Variants in PRKG1 observed in about 807,000 individuals in gnomAD.
PRKG1 encodes the protein protein kinase cGMP-dependent 1, also known as cGMP-dependent protein kinase 1.
PRKG1 carries 35 observed loss-of-function variants against 88.1 expected under a neutral mutation model. The ratio of observed to expected loss-of-function variants is 0.40; its 90% CI spans 0.30 to 0.53. PRKG1 has a LOEUF of 0.53. PRKG1 is among the 20% of genes least tolerant of loss of function. The pLI is 0.59. For synonymous variants in PRKG1, 303 were observed against 292.5 expected, an observed-to-expected ratio of 1.04 and a Z score of -0.37; for missense variants, 540 against 839.8, an observed-to-expected ratio of 0.64 and a Z score of 4.41.
At chr10:51,183,338 G>A (rs1417730479) in intron 2 of PRKG1, among the ~76,000 whole-genome samples, 1 of 152,174 alleles carries the variant, frequency 6.6e-6, no homozygotes, top group Non-Finnish European at 1.5e-5. Context: ...GACATAAGCT[G>A]TTCTGTGTTG....
chr10:51,845,759 C>G (rs1048377027), intron 4 of PRKG1, among the ~76,000 whole-genome samples: 1 of 151,908 alleles, frequency 6.6e-6, no homozygotes, highest in African/African-American at 2.4e-5. Flanking sequence ...TGTAAACTAG[C>G]TTTTTTTGGC....
At chr10:52,024,700 G>C (rs1845288400) in intron 5 of PRKG1, among the ~76,000 whole-genome samples, 1 of 152,114 alleles carries the variant, frequency 6.6e-6, no homozygotes, top group South Asian at 2.1e-4. Context: ...TGGTGTATAT[G>C]TACCACATTT....
intron 1 of PRKG1, among the ~76,000 whole-genome samples, chr10:51,037,725 G>A (rs1435816244): frequency 6.6e-6 from 1 of 151,906 alleles, no homozygotes; most frequent in African/African-American, 2.4e-5. Context: ...AGAGGTTGCA[G>A]TGAGCCAAGA....
intron 1 of PRKG1, among the ~76,000 whole-genome samples, chr10:51,059,548 C>T (rs558915894): frequency 4.9e-4 from 75 of 151,962 alleles, no homozygotes; most frequent in East Asian, 2.7e-3. Context: ...GCGCATGAGC[C>T]GCCACACCTG....
intron 7 of PRKG1, among the ~76,000 whole-genome samples, chr10:52,097,583 A>G (rs1419737905): frequency 6.6e-6 from 1 of 152,016 alleles, no homozygotes; most frequent in Non-Finnish European, 1.5e-5. Context: ...ATACTTTGAT[A>G]TTATACTTTA....
At chr10:51,785,355 G>A (rs1345379500) in intron 3 of PRKG1, among the ~76,000 whole-genome samples, 2 of 151,512 alleles carry the variant, frequency 1.3e-5, no homozygotes, top group Admixed American at 6.6e-5. Context: ...CGTTTTTCTT[G>A]TTCTTTGTTA....
At chr10:52,195,119 T>G (rs1169013534) in intron 9 of PRKG1, among the ~76,000 whole-genome samples, 1 of 152,232 alleles carries the variant, frequency 6.6e-6, no homozygotes, top group African/African-American at 2.4e-5. Flanking sequence ...CTAGTGTTTT[T>G]GGCATAACTC....
intron 8 of PRKG1, among the ~76,000 whole-genome samples, chr10:52,158,337 T>G (rs1365690566): frequency 6.6e-6 from 1 of 151,678 alleles, no homozygotes; most frequent in Non-Finnish European, 1.5e-5. Flanking sequence ...AGTCAAGAAA[T>G]GTCATAGGAC....
chr10:51,532,842 C>A (rs1283460330), intron 3 of PRKG1, among the ~76,000 whole-genome samples: 1 of 152,140 alleles, frequency 6.6e-6, no homozygotes. Flanking sequence ...TCTCTCTCTC[C>A]TTCTCCCTCT....
intron 2 of PRKG1, among the ~76,000 whole-genome samples, chr10:51,268,905 A>G (rs1839905301): frequency 6.6e-6 from 1 of 152,196 alleles, no homozygotes; most frequent in Non-Finnish European, 1.5e-5. Flanking sequence ...TGGGGAACTA[A>G]TAAATGTCCT....
chr10:51,668,472 A>G (rs922027449), intron 3 of PRKG1, among the ~76,000 whole-genome samples: 1 of 152,216 alleles, frequency 6.6e-6, no homozygotes, highest in Non-Finnish European at 1.5e-5. Flanking sequence ...CACTGGTTCT[A>G]TCATAGCTTA....
intron 3 of PRKG1, among the ~76,000 whole-genome samples, chr10:51,489,143 G>A (rs188851477): frequency 6.6e-6 from 1 of 152,258 alleles, no homozygotes; most frequent in East Asian, 1.9e-4. Context: ...GAAACAGCTA[G>A]CCTTCAAAGA....
intron 5 of PRKG1, among the ~76,000 whole-genome samples, chr10:52,024,815 C>T (rs781698811): frequency 1.1e-4 from 17 of 152,142 alleles, no homozygotes; most frequent in Non-Finnish European, 2.1e-4. Flanking sequence ...TTTATAGTAG[C>T]ATGATTTATA....
chr10:51,351,915 T>C (rs1318185233), intron 2 of PRKG1, among the ~76,000 whole-genome samples: 1 of 152,194 alleles, frequency 6.6e-6, no homozygotes, highest in Non-Finnish European at 1.5e-5. Flanking sequence ...GAGTTAATAT[T>C]TCTATAAGGT....
intron 10 of PRKG1, among the ~76,000 whole-genome samples, chr10:52,262,802 T>A (rs1053726952): frequency 6.6e-6 from 1 of 152,072 alleles, no homozygotes; most frequent in Non-Finnish European, 1.5e-5. Flanking sequence ...ATACACACAT[T>A]CTCTCCTATA....
At chr10:51,564,150 T>A (rs1818475922) in intron 3 of PRKG1, among the ~76,000 whole-genome samples, 1 of 152,098 alleles carries the variant, frequency 6.6e-6, no homozygotes, top group South Asian at 2.1e-4. Flanking sequence ...CATTATTGCA[T>A]ACCTACTACG....
chr10:51,576,423 T>G (rs150558546), intron 3 of PRKG1, among the ~76,000 whole-genome samples: 38 of 152,090 alleles, frequency 2.5e-4, no homozygotes, highest in African/African-American at 8.9e-4. Flanking sequence ...ATACATAATA[T>G]TATATTCTAT....
chr10:51,921,569 G>C (rs1486294978), intron 5 of PRKG1, among the ~76,000 whole-genome samples: 1 of 151,972 alleles, frequency 6.6e-6, no homozygotes, highest in African/African-American at 2.4e-5. Flanking sequence ...TGTTGCTGTT[G>C]TTTTTAACAA....
intron 3 of PRKG1, among the ~76,000 whole-genome samples, chr10:51,758,858 C>G (rs184266207): frequency 2.0e-5 from 3 of 149,770 alleles, no homozygotes; most frequent in Non-Finnish European, 1.5e-5. Context: ...CCCCCCACCC[C>G]CCGACAGGGC....
Sources: gnomAD v4.1 joint callset for allele counts (sites outside exome capture counted in the v4.1 genomes callset) on GRCh38, gnomAD v4.1.1 for gene constraint, MANE v1.5 for transcripts, NCBI Gene and HGNC (gene_info 2026-07-23, HGNC 2026-07-21) for gene names.